Variants in QNG1 observed in about 807,000 individuals in gnomAD.
QNG1 encodes Q-nucleotide N-glycosylase 1, also known as queuosine 5'-phosphate N-glycosylase/hydrolase.
chr9:83,948,436 GC>G, the QNG1 span, among the ~76,000 whole-genome samples: 49 of 141,558 alleles, frequency 3.5e-4, no homozygotes, highest in African/African-American at 1.2e-3. Context: ...GTGGGGGGCA[GC>G]CCCCCCGCCC....
chr9:83,942,225 T>A, the QNG1 span, among the ~76,000 whole-genome samples: 1 of 152,162 alleles, frequency 6.6e-6, no homozygotes, highest in Non-Finnish European at 1.5e-5. Context: ...ACTTACAGTA[T>A]GGGATAGAAC....
chr9:83,939,420 C>G, the QNG1 span: 17 of 850,968 alleles, frequency 2.0e-5, no homozygotes, highest in East Asian at 4.5e-4. Context: ...CCTATAACCT[C>G]GATCATGTTC....
the QNG1 span, among the ~76,000 whole-genome samples, chr9:83,954,969 G>A: frequency 1.3e-5 from 2 of 150,420 alleles, no homozygotes; most frequent in African/African-American, 2.4e-5. Flanking sequence ...AGGCTGAGGC[G>A]ACCAGATTAC....
At chr9:83,944,628 A>G in the QNG1 span, among the ~76,000 whole-genome samples, 1 of 152,254 alleles carries the variant, frequency 6.6e-6, no homozygotes, top group African/African-American at 2.4e-5. Flanking sequence ...GTAAACAAAA[A>G]GAAAAATCAT....
the QNG1 span, among the ~76,000 whole-genome samples, chr9:83,950,964 T>C: frequency 6.6e-6 from 1 of 152,172 alleles, no homozygotes; most frequent in African/African-American, 2.4e-5. Context: ...GTTCAAGGAT[T>C]ACAAAAGTTA....
chr9:83,939,773 T>A, the QNG1 span: 1 of 1,445,650 alleles, frequency 6.9e-7, no homozygotes, highest in Non-Finnish European at 9.7e-7. Flanking sequence ...TAAGAAAAAT[T>A]AATAGTCAAT....
At chr9:83,954,879 CAAAAAAAAAA>C in the QNG1 span, among the ~76,000 whole-genome samples, 1 of 47,028 alleles carries the variant, frequency 2.1e-5, no homozygotes, top group African/African-American at 6.8e-5. Flanking sequence ...GAGTCCATCT[CAAAAAAAAAA>C]AAAAAAAAAA....
At chr9:83,948,803 G>C in the QNG1 span, among the ~76,000 whole-genome samples, 1,354 of 152,176 alleles carry the variant, frequency 8.9e-3, 22 homozygotes, top group African/African-American at 0.032. Flanking sequence ...CCCCAACCCC[G>C]TGCTCTCTGA....
At chr9:83,956,337 A>G in the QNG1 span, 1 of 1,613,270 alleles carries the variant, frequency 6.2e-7, no homozygotes, top group Non-Finnish European at 8.5e-7. Context: ...CCTGGGGTTC[A>G]GCTCATGAAG....
At chr9:83,953,312 T>C in the QNG1 span, among the ~76,000 whole-genome samples, 4 of 152,074 alleles carry the variant, frequency 2.6e-5, no homozygotes, top group Non-Finnish European at 5.9e-5. Flanking sequence ...CAGTTCTTTA[T>C]AGCAGTGTGA....
chr9:83,947,656 G>C, the QNG1 span, among the ~76,000 whole-genome samples: 3 of 152,240 alleles, frequency 2.0e-5, no homozygotes, highest in Non-Finnish European at 4.4e-5. Context: ...TGGGATTGCA[G>C]GCGCTCGCCG....
At chr9:83,949,954 A>G in the QNG1 span, among the ~76,000 whole-genome samples, 59 of 150,714 alleles carry the variant, frequency 3.9e-4, no homozygotes, top group Non-Finnish European at 6.3e-4. Flanking sequence ...AGAATAGATT[A>G]TAATAGATAT....
chr9:83,955,262 T>C, the QNG1 span: 1 of 1,022,746 alleles, frequency 9.8e-7, no homozygotes, highest in South Asian at 1.7e-5. Flanking sequence ...TTTGTTAGTT[T>C]CTTCCACAAG....
the QNG1 span, chr9:83,955,401 T>C: frequency 3.1e-6 from 5 of 1,614,076 alleles, no homozygotes; most frequent in Non-Finnish European, 4.2e-6. Context: ...GTCACATCTC[T>C]GTAAGAAGGA....
the QNG1 span, chr9:83,956,359 C>T: frequency 6.2e-7 from 1 of 1,610,162 alleles, no homozygotes; most frequent in Non-Finnish European, 8.5e-7. Context: ...GCTTTCCACC[C>T]CTCCACGCGC....
At chr9:83,941,438 C>G in the QNG1 span, among the ~76,000 whole-genome samples, 1 of 152,052 alleles carries the variant, frequency 6.6e-6, no homozygotes, top group Admixed American at 6.6e-5. Context: ...AAAAAGTAGC[C>G]AGGCATGGTG....
At chr9:83,952,664 G>A in the QNG1 span, among the ~76,000 whole-genome samples, 952 of 152,050 alleles carry the variant, frequency 6.3e-3, 8 homozygotes, top group African/African-American at 0.021. Context: ...GCGTGGTGGC[G>A]GGCACCTGTA....
the QNG1 span, chr9:83,956,332 G>T: frequency 6.2e-7 from 1 of 1,613,664 alleles, no homozygotes. Context: ...GCCGCCCTGG[G>T]GTTCAGCTCA....
chr9:83,951,056 G>A, the QNG1 span, among the ~76,000 whole-genome samples: 3 of 152,152 alleles, frequency 2.0e-5, no homozygotes, highest in African/African-American at 4.8e-5. Context: ...CAGATCACCC[G>A]AAGTCAGGAG....
Sources: allele counts gnomAD v4.1 joint callset (sites outside exome capture counted in the v4.1 genomes callset), GRCh38; gene constraint gnomAD v4.1.1; transcripts MANE v1.5; gene names NCBI Gene and HGNC (gene_info 2026-07-23, HGNC 2026-07-21).